The following RARB variants were observed in gnomAD, a reference collection of about 807,000 sequenced individuals.
RARB encodes the protein retinoic acid receptor beta, also known as HBV-activated protein.
In RARB, 17 loss-of-function variants were observed where a neutral mutation model predicts 51.9. That is an observed-to-expected ratio of 0.33 (90% CI 0.22 to 0.49). The LOEUF (loss-of-function observed/expected upper bound fraction) is 0.49, where lower values mean the gene tolerates loss of function less well. Among genes scored for constraint, RARB ranks in the 20% least tolerant of loss-of-function variants. The pLI is 0.99. For missense variants in RARB, 369 were observed against 550.8 expected (o/e 0.67, Z 3.30); for synonymous variants, 215 against 195.4 (o/e 1.10, Z -0.84).
intron 5 of RARB, among the ~76,000 whole-genome samples, chr3:25,403,399 C>G (rs1370844709): frequency 6.6e-6 from 1 of 151,786 alleles, no homozygotes; most frequent in Non-Finnish European, 1.5e-5. Context: ...ACTGTGTACC[C>G]ACAAAAATTA....
chr3:25,122,617 G>C (rs1362701718), intron 3 of RARB, among the ~76,000 whole-genome samples: 1 of 152,062 alleles, frequency 6.6e-6, no homozygotes, highest in South Asian at 2.1e-4. Context: ...TCCCCATCTG[G>C]TACTCTGATA....
chr3:25,146,028 A>T (rs1485199989), intron 4 of RARB, among the ~76,000 whole-genome samples: 1 of 151,950 alleles, frequency 6.6e-6, no homozygotes, highest in African/African-American at 2.4e-5. Flanking sequence ...CATGCCTAAG[A>T]GACATACTGA....
intron 2 of RARB, among the ~76,000 whole-genome samples, chr3:24,911,592 C>A (rs969966283): frequency 6.6e-6 from 1 of 152,118 alleles, no homozygotes; most frequent in African/African-American, 2.4e-5. Context: ...TGTCTTAACA[C>A]TGAAAAATTT....
chr3:25,515,775 G>C (rs1698134112), intron 3 of RARB, among the ~76,000 whole-genome samples: 1 of 152,172 alleles, frequency 6.6e-6, no homozygotes, highest in South Asian at 2.1e-4. Context: ...TGACTCAAAA[G>C]AGCCACATGG....
chr3:25,149,008 T>C (rs1700239631), intron 4 of RARB, among the ~76,000 whole-genome samples: 1 of 152,200 alleles, frequency 6.6e-6, no homozygotes, highest in Non-Finnish European at 1.5e-5. Context: ...GAACTAGTTT[T>C]ACTTTGATAT....
chr3:25,111,453 A>G (rs10510557), intron 3 of RARB, among the ~76,000 whole-genome samples: 6,986 of 152,232 alleles, frequency 0.046, 221 homozygotes, highest in Non-Finnish European at 0.072. Context: ...CAGCCTAGCA[A>G]AACTGATTTA....
intron 5 of RARB, among the ~76,000 whole-genome samples, chr3:25,408,961 G>A (rs909894847): frequency 6.6e-6 from 1 of 152,170 alleles, no homozygotes; most frequent in South Asian, 2.1e-4. Flanking sequence ...TTGAACCCAG[G>A]AGGAGGAGGT....
chr3:25,262,687 A>G (rs1575267800), intron 5 of RARB, among the ~76,000 whole-genome samples: 1 of 152,256 alleles, frequency 6.6e-6, no homozygotes, highest in East Asian at 1.9e-4. Flanking sequence ...GCTTGTGTTT[A>G]CCTTGTGCCC....
At position 25,553,385 on chromosome 3, in the gene RARB, C is replaced by T. The variant is rs149155873; in HGVS notation, c.449-16373C>T. Among the ~76,000 whole-genome samples, 5 of 152,152 alleles carry T rather than the reference C, an allele frequency of 3.3e-5. No individual in the cohort carries two copies. The East Asian group carries it at 9.6e-4, about 29-fold the overall frequency. ...TAGAGAACTCTAGGAATCTTTAAGC[C>T]CATCCTCTTCATCTCTGTGTGATTT... On this transcript the variant is annotated intron_variant, in intron 3 of 7. Coordinates refer to ENST00000330688, the MANE Select transcript of RARB (RefSeq NM_000965.5).
intron 2 of RARB, among the ~76,000 whole-genome samples, chr3:24,860,817 TGAGTCA>T (rs1397947316): frequency 6.6e-6 from 1 of 152,204 alleles, no homozygotes; most frequent in Non-Finnish European, 1.5e-5. Context: ...GTAACTTATC[TGAGTCA>T]CTTTCTAAAA....
intron 1 of RARB, among the ~76,000 whole-genome samples, chr3:25,447,018 GA>G (rs11311604): frequency 0.38 from 55,151 of 146,762 alleles, 12,399 homozygotes; most frequent in African/African-American, 0.64. Context: ...TTTAAAAAAA[GA>G]AAAAAAAAAA....
chr3:25,358,311 G>C (rs1469228081), intron 5 of RARB, among the ~76,000 whole-genome samples: 1 of 152,174 alleles, frequency 6.6e-6, no homozygotes. Context: ...GAGTACTAGT[G>C]ATTTTTGCAC....
At chr3:25,355,931 A>C (rs1354741718) in intron 5 of RARB, among the ~76,000 whole-genome samples, 1 of 152,180 alleles carries the variant, frequency 6.6e-6, no homozygotes, top group African/African-American at 2.4e-5. Flanking sequence ...CTAATTAGAA[A>C]AAAAAGTTAA....
intron 2 of RARB, among the ~76,000 whole-genome samples, chr3:25,482,013 C>T (rs1681252232): frequency 6.6e-6 from 1 of 152,138 alleles, no homozygotes; most frequent in African/African-American, 2.4e-5. Flanking sequence ...TAATAACAGG[C>T]AGAGGCCGAA....
At chr3:25,589,493 A>G (rs1213913114) in intron 5 of RARB, among the ~76,000 whole-genome samples, 1 of 152,224 alleles carries the variant, frequency 6.6e-6, no homozygotes, top group African/African-American at 2.4e-5. Context: ...ATAGTACTCG[A>G]GCAGGAATAG....
intron 5 of RARB, among the ~76,000 whole-genome samples, chr3:25,406,232 A>G (rs184466034): frequency 1.3e-5 from 2 of 152,324 alleles, no homozygotes; most frequent in East Asian, 3.9e-4. Flanking sequence ...TAGAGGTTCC[A>G]GGAAGGGATC....
At chr3:25,000,837 A>G (rs1466832196) in intron 2 of RARB, among the ~76,000 whole-genome samples, 1 of 152,194 alleles carries the variant, frequency 6.6e-6, no homozygotes, top group Non-Finnish European at 1.5e-5. Flanking sequence ...TAAGTGCTAT[A>G]GATTTTTATA....
At chr3:25,349,821 G>T (rs998137110) in intron 5 of RARB, among the ~76,000 whole-genome samples, 1 of 152,024 alleles carries the variant, frequency 6.6e-6, no homozygotes, top group Non-Finnish European at 1.5e-5. Context: ...CTGTTTCTTT[G>T]CTCATGAGTC....
intron 5 of RARB, among the ~76,000 whole-genome samples, chr3:25,417,544 A>G (rs1707738375): frequency 1.3e-5 from 2 of 152,134 alleles, no homozygotes; most frequent in African/African-American, 4.8e-5. Context: ...TTCCCTGCAC[A>G]AGCTCTCTTC....
Sources: allele counts gnomAD v4.1 joint callset (sites outside exome capture counted in the v4.1 genomes callset), GRCh38; gene constraint gnomAD v4.1.1; transcripts MANE v1.5; gene names NCBI Gene and HGNC (gene_info 2026-07-23, HGNC 2026-07-21).